TNRC18: variants seen among roughly 807,000 people sequenced by gnomAD.
TNRC18 encodes the protein trinucleotide repeat containing 18, also known as trinucleotide repeat-containing gene 18 protein.
In TNRC18, 69 loss-of-function variants were observed where a neutral mutation model predicts 226.7. The observed-to-expected ratio is 0.30, with a 90% CI of 0.25 to 0.37. TNRC18 has a LOEUF of 0.37. TNRC18 is among the 10% of genes least tolerant of loss of function. The pLI, the probability that TNRC18 is intolerant of heterozygous loss-of-function variation, is 1.00. For synonymous variants in TNRC18, 2,449 were observed against 1,927.6 expected (o/e 1.27, Z -7.09); for missense variants, 4,754 against 4,256.6 (o/e 1.12, Z -3.25).
intron 18 of TNRC18, among the ~76,000 whole-genome samples, chr7:5,344,157 T>C: frequency 6.6e-6 from 1 of 152,198 alleles, no homozygotes; most frequent in East Asian, 1.9e-4. Context: ...GGTGTATGAA[T>C]AGCAAGTGTA....
chr7:5,362,811 G>C lies in TNRC18; in HGVS notation c.4234C>G (p.Leu1412Val). Residue 1412 changes from leucine (L) to valine (V), a missense_variant, in exon 12 of 30, where the codon CTG (leucine) becomes GTG (valine). Transcript: ENST00000430969. ...CTCTCCAGGGAGGGCCGCGCCACCA[G>C]GGCCCGCTCCGCACCTGTGGACAGG... ...SQEMGGAERA[L>V]VARPSLESLL... 3.9e-6 allele frequency: 6 copies of C among 1,556,124 alleles called. No individual in the cohort carries two copies. The highest frequency in any genetic ancestry group is 5.2e-6 in the Non-Finnish European group (6 of 1,151,446).
intron 15 of TNRC18, among the ~76,000 whole-genome samples, chr7:5,358,162 C>T (rs1363025423): frequency 1.3e-5 from 2 of 151,948 alleles, no homozygotes; most frequent in African/African-American, 4.8e-5. Context: ...CTAAAGGGGC[C>T]GAAGCTGCCA....
intron 29 of TNRC18, among the ~76,000 whole-genome samples, 198 bp downstream of exon 29, chr7:5,308,677 G>C (rs1786854424): frequency 6.6e-6 from 1 of 152,190 alleles, no homozygotes; most frequent in South Asian, 2.1e-4. Flanking sequence ...GGAGAGCAGA[G>C]AAGACCCAGA....
At chr7:5,373,153 C>T (rs900981239) in intron 10 of TNRC18, among the ~76,000 whole-genome samples, 4 of 152,034 alleles carry the variant, frequency 2.6e-5, no homozygotes, top group Admixed American at 6.6e-5. Flanking sequence ...AGCAAAACTC[C>T]GTCTCAAAAA....
intron 15 of TNRC18, 150 bp downstream of exon 15, chr7:5,359,248 T>C (rs894600882): frequency 1.2e-6 from 1 of 834,236 alleles, no homozygotes; most frequent in African/African-American, 1.7e-5. Flanking sequence ...ATAAGGAAGA[T>C]TGGAGAAGAG....
At chr7:5,423,063 C>T (rs557312566) in intron 1 of TNRC18, 1 of 152,410 alleles carries the variant, frequency 6.6e-6, no homozygotes, top group South Asian at 2.1e-4. Flanking sequence ...TTTTCTCCCC[C>T]TCTTAAATGG....
chr7:5,370,982 C>T lies in TNRC18; in HGVS notation c.3612G>A (p.Gln1204=). The part of the protein sequence containing the change: ...GGCGGGLLEA[Q]ALSATGQSCA... ...AGCTCTGCCCGGTGGCACTCAGCGC[C>T]TGGGCCTCCAACAGGCCACCTCCAC... Residue 1204 remains glutamine, a synonymous_variant, in exon 11 of 30, where the codon CAG becomes CAA. Transcript: ENST00000430969. The T allele has an allele frequency of 1.2e-6, 2 of 1,606,330 alleles. No homozygotes were observed. The highest frequency in any genetic ancestry group is 1.7e-6 in the Non-Finnish European group (2 of 1,179,724).
chr7:5,315,013 C>T lies in TNRC18; in HGVS notation c.6998G>A (p.Gly2333Glu). The change falls in exon 26 of 30, where the codon GGG (glycine) becomes GAG (glutamate). Residue 2333 changes from glycine (G) to glutamate (E), a missense_variant. Physicochemically the swap from Gly to Glu is moderately conservative, Grantham distance 98. Coordinates refer to ENST00000430969, the MANE Select transcript of TNRC18 (RefSeq NM_001080495.3). ...CTTGGCCTTGGCGCTGGGTTTCCGC[C>T]CACGCCCACGGGCCTTGGCTCCTGG... is the stretch of plus-strand genomic sequence containing the variant. ...EEPGAKARGR[G>E]RKPSAKAKGD... 2 of 1,607,818 alleles carry T rather than the reference C, an allele frequency of 1.2e-6. No homozygotes were observed. Among genetic ancestry groups the T allele is most frequent in the Non-Finnish European group, 8.5e-7 (1 of 1,177,930 alleles).
intron 1 of TNRC18, chr7:5,423,148 C>G (rs1350804602): frequency 6.6e-6 from 1 of 152,296 alleles, no homozygotes; most frequent in African/African-American, 2.4e-5. Flanking sequence ...CCCGGGCTCC[C>G]CCGCCGCCTG....
chr7:5,334,919 T>A (rs927171807), intron 18 of TNRC18, among the ~76,000 whole-genome samples: 1 of 151,900 alleles, frequency 6.6e-6, no homozygotes, highest in African/African-American at 2.4e-5. Flanking sequence ...GCAGGGAAGG[T>A]GGGGCCCACA....
intron 11 of TNRC18, among the ~76,000 whole-genome samples, chr7:5,369,957 A>T (rs576457552): frequency 3.9e-4 from 60 of 152,296 alleles, no homozygotes; most frequent in Admixed American, 9.2e-4. Flanking sequence ...ACAATTTTTT[A>T]AAAAATTAAT....
intron 18 of TNRC18, among the ~76,000 whole-genome samples, chr7:5,336,959 T>G (rs936705209): frequency 1.3e-5 from 2 of 152,234 alleles, no homozygotes; most frequent in Non-Finnish European, 2.9e-5. Context: ...AATGCTTGAA[T>G]ATTTGCTTTT....
chr7:5,345,517 G>GACCCCCCCCCC lies in TNRC18; in HGVS notation c.5719+44_5719+45insGGGGGGGGGGT. 2.6e-5 allele frequency: 10 copies of GACCCCCCCCCC among 377,744 alleles called. 1 individual carries two copies. The highest frequency in any genetic ancestry group is 4.3e-5 in the Non-Finnish European group (9 of 207,166). 23.4% of individuals were successfully genotyped at this position (377,744 alleles called of 1,614,324 possible). ...CCTGTGGGATGGGGCAATGGCGTCC[G>GACCCCCCCCCC]CCCCTCCCACCCACCCCCACCGCAG... On this transcript the variant is annotated intron_variant, in intron 18 of 29. Coordinates refer to ENST00000430969, the MANE Select transcript of TNRC18 (RefSeq NM_001080495.3).
Position 5,389,014 on chromosome 7 carries a change from C to A in TNRC18, c.810G>T (p.Lys270Asn), listed in dbSNP as rs1443149986. The change falls in exon 5 of 30, where the codon AAG becomes AAT. Residue 270 changes from lysine (K) to asparagine (N), a missense_variant. By Grantham distance (94) the Lys-to-Asn change is moderately conservative. Coordinates refer to ENST00000430969, the MANE Select transcript of TNRC18 (RefSeq NM_001080495.3). ...ERLSPFLAES[K>N]TKNAALQPSV... Reference sequence around the variant, plus strand: ...ACGGCTGCAGCGCCGCATTCTTGGTCTTGGACTCAGCCAGGAAGGGCGACA... The same window carrying A: ...ACGGCTGCAGCGCCGCATTCTTGGTATTGGACTCAGCCAGGAAGGGCGACA... 1 of 1,340,112 alleles carries A rather than the reference C, an allele frequency of 7.5e-7. No homozygotes were observed. The highest frequency in any genetic ancestry group is 9.6e-7 in the Non-Finnish European group (1 of 1,037,290). The allele number at this position is 1,340,112 out of a possible 1,614,324, so 83.0% of individuals were successfully genotyped here.
intron 19 of TNRC18, among the ~76,000 whole-genome samples, chr7:5,331,303 T>C (rs575669330): frequency 5.3e-5 from 8 of 152,234 alleles, no homozygotes; most frequent in Non-Finnish European, 7.4e-5. Context: ...CAACTGGCCC[T>C]CAGCTTCCTA....
intron 2 of TNRC18, among the ~76,000 whole-genome samples, chr7:5,410,327 A>G (rs952439979): frequency 2.0e-5 from 3 of 151,080 alleles, no homozygotes; most frequent in South Asian, 4.2e-4. Context: ...AAAAAAAAAA[A>G]AAAGAAAAGA....
chr7:5,315,644 G>A (rs1483880603), intron 25 of TNRC18, among the ~76,000 whole-genome samples: 4 of 152,280 alleles, frequency 2.6e-5, no homozygotes, highest in Admixed American at 1.3e-4. Context: ...GGATGGTCTC[G>A]ATCTCTTGAC....
rs1366797122 is a variant in TNRC18, at chr7:5,328,898, G to A, written c.6148-3650C>T. Among the ~76,000 whole-genome samples, 3 of 152,156 alleles carry A rather than the reference G, an allele frequency of 2.0e-5. No individual in the cohort carries two copies. In the East Asian group the frequency reaches 5.8e-4, roughly 29 times the overall value. ...ACCTACTCAGAGGAGACTGAGGCAG[G>A]AAAACTGCTCGAACTTGGAAATTTG... On this transcript the variant is annotated intron_variant, in intron 19 of 29. Coordinates refer to ENST00000430969, the MANE Select transcript of TNRC18 (RefSeq NM_001080495.3).
In TNRC18 at chr7:5,374,157, G is replaced by A; in HGVS notation, c.3127C>T (p.Pro1043Ser). Residue 1043 changes from proline (P) to serine (S), a missense_variant, in exon 10 of 30, where the codon CCG becomes TCG. Physicochemically the swap from Pro to Ser is moderately conservative, Grantham distance 74. Transcript: ENST00000430969. ...GCCTCCTCCTTGCGGGTGATACCCG[G>A]GGTGGGCGGTGGGGAGGCGGGCGGC... Reference protein sequence around the residue: ...SPPPASPPPTPGITRKEEAPE... With the variant: ...SPPPASPPPTSGITRKEEAPE... 6.6e-7 allele frequency: 1 copy of A among 1,508,504 alleles called. No homozygotes were observed. 93.4% of individuals were successfully genotyped at this position (1,508,504 alleles called of 1,614,324 possible). A position where few individuals can be genotyped will look rare whatever the true frequency, so the allele number is the denominator to read the frequency against.
Sources: gnomAD v4.1 joint callset for allele counts (sites outside exome capture counted in the v4.1 genomes callset) on GRCh38, gnomAD v4.1.1 for gene constraint, MANE v1.5 for transcripts, NCBI Gene and HGNC (gene_info 2026-07-23, HGNC 2026-07-21) for gene names.